CUEDC1: variants seen among roughly 807,000 people sequenced by gnomAD.
CUEDC1 encodes CUE domain-containing protein 1.
In CUEDC1, 30 loss-of-function variants were observed where a neutral mutation model predicts 43.7. The observed-to-expected ratio is 0.69, with a 90% CI of 0.51 to 0.93. The LOEUF (loss-of-function observed/expected upper bound fraction) is 0.93, where lower values mean the gene tolerates loss of function less well. CUEDC1 is among the 40% of genes least tolerant of loss of function. CUEDC1 has a pLI of 0.00. For synonymous variants in CUEDC1, 223 were observed against 223.6 expected, an observed-to-expected ratio of 1.00 and a Z score of 0.02; for missense variants, 486 against 549.0, an observed-to-expected ratio of 0.89 and a Z score of 1.15.
At position 57,876,105 on chromosome 17, in the gene CUEDC1, A is replaced by G. The variant is rs576095129; in HGVS notation, c.465-2388T>C. ...GGGGCCAGGCCATTCCCCCACTCAA[A>G]TCTGATCTCCCTCAGCAGCCAAAGG... On this transcript the variant is annotated intron_variant, in intron 3 of 10. Transcript: ENST00000577830. Among the ~76,000 whole-genome samples, 3 of 152,130 alleles carry G rather than the reference A, an allele frequency of 2.0e-5. No homozygotes were observed. The East Asian group carries it at 5.8e-4, about 29-fold the overall frequency.
At chr17:57,871,507 A>C (rs2074034684) in intron 5 of CUEDC1, 138 bp from the exon 6 acceptor site, 1 of 644,504 alleles carries the variant, frequency 1.6e-6, no homozygotes, top group Admixed American at 2.5e-5. Context: ...CCAAAATATG[A>C]GTGCACACAT....
At chr17:57,931,283 A>G (rs1016112739) in intron 1 of CUEDC1, among the ~76,000 whole-genome samples, 6 of 152,138 alleles carry the variant, frequency 3.9e-5, no homozygotes, top group African/African-American at 1.2e-4. Context: ...TGTCTCAAAA[A>G]AAAGAAAGAA....
Position 57,930,872 on chromosome 17 carries a change from C to T in CUEDC1, c.-316+24353G>A, listed in dbSNP as rs111595362. On this transcript the variant is annotated intron_variant, in intron 1 of 10. Coordinates refer to ENST00000577830, the MANE Select transcript of CUEDC1 (RefSeq NM_001271875.2). This position sits in a 1 kb window ranked among gnomAD's most constrained non-coding sequence, Gnocchi z 4.2. ...AATGGTCCCCATTTCCTGCAGGTAA[C>T]CTTCTCATGACCTGCTCTACTCCCT... Among the ~76,000 whole-genome samples the T allele has an allele frequency of 6.6e-6, 1 of 152,120 alleles. No individual in the cohort carries two copies. Among genetic ancestry groups the T allele is most frequent in the Non-Finnish European group, 1.5e-5 (1 of 68,032 alleles).
intron 1 of CUEDC1, among the ~76,000 whole-genome samples, chr17:57,901,913 C>T (rs566342476): frequency 2.6e-5 from 4 of 152,198 alleles, no homozygotes; most frequent in Non-Finnish European, 5.9e-5. Context: ...GTGGCTCACA[C>T]CTGTAATCCC....
intron 9 of CUEDC1, chr17:57,866,882 C>A: frequency 2.7e-6 from 1 of 370,882 alleles, no homozygotes; most frequent in Non-Finnish European, 5.0e-6. Context: ...TGCCTCCTGA[C>A]CCTCGAATGT....
chr17:57,913,154 C>T (rs1366200274), intron 1 of CUEDC1, among the ~76,000 whole-genome samples: 1 of 152,016 alleles, frequency 6.6e-6, no homozygotes, highest in Non-Finnish European at 1.5e-5. Context: ...GGTAAAACCC[C>T]GCCTCTACTA....
intron 6 of CUEDC1, among the ~76,000 whole-genome samples, chr17:57,870,335 G>A (rs777647579): frequency 5.3e-5 from 8 of 152,216 alleles, no homozygotes; most frequent in Non-Finnish European, 1.2e-4. Flanking sequence ...AGCCATCAGA[G>A]CTTCTGAGCA....
At chr17:57,929,537 A>G (rs1301565026) in intron 1 of CUEDC1, among the ~76,000 whole-genome samples, 2 of 152,202 alleles carry the variant, frequency 1.3e-5, no homozygotes, top group South Asian at 2.1e-4. Context: ...ACAATATCCA[A>G]GCATGTGATC....
rs1279689090 is a variant in CUEDC1 at position 57,885,361 on chromosome 17, G to A, written c.204C>T (p.Cys68=). 3.1e-6 allele frequency: 5 copies of A among 1,611,976 alleles called. No individual in the cohort carries two copies. In the South Asian group the frequency reaches 5.5e-5, roughly 18 times the overall value. ...CAGCGCCGCTGTTGGCGCGCAGCAC[G>A]CATTCGATGATGTCGTAATCCATGT... ...FPNMDYDIIE[C]VLRANSGAVD... is the part of the protein sequence containing the mutation. The change falls in exon 2 of 11, where the codon TGC becomes TGT. Residue 68 remains cysteine, a synonymous_variant. Coordinates refer to ENST00000577830, the MANE Select transcript of CUEDC1 (RefSeq NM_001271875.2).
intron 1 of CUEDC1, among the ~76,000 whole-genome samples, chr17:57,936,228 C>T (rs1322679023): frequency 6.6e-6 from 1 of 152,192 alleles, no homozygotes; most frequent in Non-Finnish European, 1.5e-5. Context: ...ACAGTGTGGA[C>T]TCCCAGGGCC....
chr17:57,923,880 T>C (rs559244562), intron 1 of CUEDC1, among the ~76,000 whole-genome samples: 1 of 152,332 alleles, frequency 6.6e-6, no homozygotes, highest in African/African-American at 2.4e-5. Context: ...TCATCTTTAT[T>C]GTACACATGA....
chr17:57,869,294 G>A (rs960374853), intron 6 of CUEDC1, 101 bp from the exon 7 acceptor site: 1 of 1,015,176 alleles, frequency 9.9e-7, no homozygotes. Flanking sequence ...GAAAGAGCAG[G>A]CTTCTTCCCT....
At chr17:57,882,789 A>AT (rs2074231316) in intron 2 of CUEDC1, among the ~76,000 whole-genome samples, 1 of 152,058 alleles carries the variant, frequency 6.6e-6, no homozygotes, top group South Asian at 2.1e-4. Context: ...TTTTCTTAAC[A>AT]TTTTCTTGTC....
At chr17:57,933,040 A>G (rs886769497) in intron 1 of CUEDC1, among the ~76,000 whole-genome samples, 1 of 152,136 alleles carries the variant, frequency 6.6e-6, no homozygotes, top group African/African-American at 2.4e-5. Context: ...AACACTGCCA[A>G]TGTCTCCTGG....
chr17:57,943,404 AG>A (rs1241000777), intron 1 of CUEDC1, among the ~76,000 whole-genome samples: 2 of 152,206 alleles, frequency 1.3e-5, no homozygotes, highest in African/African-American at 2.4e-5. Flanking sequence ...CATGAGAAAA[AG>A]GGAAGTCACC....
At chr17:57,880,510 C>G (rs924557271) in intron 2 of CUEDC1, among the ~76,000 whole-genome samples, 3 of 152,214 alleles carry the variant, frequency 2.0e-5, no homozygotes, top group Non-Finnish European at 4.4e-5. Flanking sequence ...GATGCCTGCT[C>G]TCCTTCCCAA....
In CUEDC1 at chr17:57,873,621, G is replaced by A; in HGVS notation, c.561C>T (p.Arg187=). 6.2e-7 allele frequency: 1 copy of A among 1,601,404 alleles called. No individual in the cohort carries two copies. Among genetic ancestry groups the A allele is most frequent in the Non-Finnish European group, 8.5e-7 (1 of 1,173,604 alleles). The change falls in exon 4 of 11, where the codon CGC becomes CGT. Residue 187 remains arginine, a synonymous_variant. Transcript: ENST00000577830. ...LLGNLPDDFL[R]ILPQQLDSIQ... ...TGCTGTCCAGCTGCTGGGGCAGGAT[G>A]CGGAGAAAGTCATCCGGAAGGTTGC... is the stretch of plus-strand genomic sequence containing the variant.
At chr17:57,907,031 C>T (rs1466337134) in intron 1 of CUEDC1, among the ~76,000 whole-genome samples, 1 of 150,950 alleles carries the variant, frequency 6.6e-6, no homozygotes, top group Non-Finnish European at 1.5e-5. Flanking sequence ...GAAGGGGGCA[C>T]TACTCGGGCT....
intron 8 of CUEDC1, chr17:57,867,761 A>G: frequency 2.1e-6 from 1 of 473,830 alleles, no homozygotes; most frequent in Non-Finnish European, 3.8e-6. Context: ...CGAGGAAGGG[A>G]GGGCCAACAT....
Sources: gnomAD v4.1 joint callset for allele counts (sites outside exome capture counted in the v4.1 genomes callset) on GRCh38, gnomAD v4.1.1 for gene constraint, Gnocchi (gnomAD v3.1) non-coding constraint, MANE v1.5 for transcripts, NCBI Gene and HGNC (gene_info 2026-07-23, HGNC 2026-07-21) for gene names.